Variants in CCDC91 observed in about 807,000 individuals in gnomAD.
The protein encoded by CCDC91 is coiled-coil domain containing 91.
CCDC91 carries 48 observed loss-of-function variants against 63.2 expected under a neutral mutation model. That is an observed-to-expected ratio of 0.76 (90% confidence interval 0.60 to 0.97). The LOEUF (loss-of-function observed/expected upper bound fraction) is 0.97, where lower values mean the gene tolerates loss of function less well. Ranked by LOEUF, CCDC91 falls within the 50% of genes least tolerant of loss-of-function variation. CCDC91 has a pLI of 0.00. For synonymous variants in CCDC91, 167 were observed against 165.8 expected (o/e 1.01, Z -0.06); for missense variants, 500 against 494.6 (o/e 1.01, Z -0.10).
At chr12:28,466,421 C>T (rs965152018) in intron 11 of CCDC91, among the ~76,000 whole-genome samples, 2 of 152,020 alleles carry the variant, frequency 1.3e-5, no homozygotes, top group African/African-American at 4.8e-5. Flanking sequence ...TTTAATAATC[C>T]AATTCCCAAA....
chr12:28,464,555 C>G (rs890927652), intron 11 of CCDC91, among the ~76,000 whole-genome samples: 14 of 152,178 alleles, frequency 9.2e-5, no homozygotes, highest in Middle Eastern at 3.2e-3. Flanking sequence ...TTTCCAGGCC[C>G]TAGCTCCTGG....
At chr12:28,377,119 A>G (rs1443018985) in intron 7 of CCDC91, among the ~76,000 whole-genome samples, 1 of 134,072 alleles carries the variant, frequency 7.5e-6, no homozygotes, top group African/African-American at 2.7e-5. Context: ...TCTTCCCCCT[A>G]TTTTTTTTTT....
intron 11 of CCDC91, among the ~76,000 whole-genome samples, chr12:28,465,596 C>G (rs1009606996): frequency 2.6e-4 from 39 of 152,280 alleles, no homozygotes; most frequent in African/African-American, 9.4e-4. Context: ...TATGAGTCTA[C>G]AAGAACCACA....
intron 12 of CCDC91, among the ~76,000 whole-genome samples, chr12:28,536,804 T>C (rs138154245): frequency 1.1e-3 from 169 of 152,310 alleles, no homozygotes; most frequent in African/African-American, 3.7e-3. Context: ...CTCATTCTTT[T>C]TTAAAGTATT....
intron 1 of CCDC91, among the ~76,000 whole-genome samples, chr12:28,228,382 T>C (rs988975317): frequency 1.3e-5 from 2 of 152,166 alleles, no homozygotes; most frequent in African/African-American, 2.4e-5. Context: ...AGTCTGTCTT[T>C]CTATTAAACT....
chr12:28,239,701 A>T (rs2126896), intron 1 of CCDC91, among the ~76,000 whole-genome samples: 79,452 of 152,012 alleles, frequency 0.52, 20,900 homozygotes, highest in East Asian at 0.61. Flanking sequence ...GATGGGATGT[A>T]ACACACAGGT....
chr12:28,496,741 C>T (rs1293362917), intron 12 of CCDC91, among the ~76,000 whole-genome samples: 3 of 151,148 alleles, frequency 2.0e-5, no homozygotes, highest in African/African-American at 7.3e-5. Context: ...TATTCTTTTT[C>T]AAGTAATCTG....
intron 3 of CCDC91, among the ~76,000 whole-genome samples, chr12:28,304,884 T>C (rs1175504809): frequency 1.3e-5 from 2 of 152,160 alleles, no homozygotes; most frequent in African/African-American, 4.8e-5. Context: ...CGTACTTTTG[T>C]CCTATGTCAT....
intron 1 of CCDC91, among the ~76,000 whole-genome samples, chr12:28,218,092 C>T: frequency 6.6e-6 from 1 of 152,268 alleles, no homozygotes; most frequent in Middle Eastern, 3.4e-3. Context: ...CTTTAGATAT[C>T]CTTTTTTTAA....
intron 1 of CCDC91, chr12:28,256,681 T>A (rs1269647487): frequency 6.5e-6 from 1 of 152,944 alleles, no homozygotes; most frequent in East Asian, 1.9e-4. Flanking sequence ...CAAAGCAGTT[T>A]CAGCTAAAAA....
At chr12:28,329,587 T>C (rs1486303071) in intron 6 of CCDC91, among the ~76,000 whole-genome samples, 3 of 152,148 alleles carry the variant, frequency 2.0e-5, no homozygotes, top group Non-Finnish European at 2.9e-5. Context: ...ATCTTATAAA[T>C]TGTCAGATAT....
At chr12:28,438,625 A>G (rs1255643591) in intron 8 of CCDC91, among the ~76,000 whole-genome samples, 1 of 152,178 alleles carries the variant, frequency 6.6e-6, no homozygotes, top group Non-Finnish European at 1.5e-5. Context: ...TTAGGTTGAA[A>G]TAAGTTTATG....
chr12:28,302,114 AT>A (rs1938139987), intron 3 of CCDC91, among the ~76,000 whole-genome samples: 1 of 151,562 alleles, frequency 6.6e-6, no homozygotes, highest in Non-Finnish European at 1.5e-5. Context: ...AATTTAATTC[AT>A]TGTTTTTTAA....
chr12:28,203,523 T>G (rs1299835495), intron 1 of CCDC91, among the ~76,000 whole-genome samples: 1 of 152,208 alleles, frequency 6.6e-6, no homozygotes, highest in Non-Finnish European at 1.5e-5. Flanking sequence ...TTCAGATATG[T>G]AAAAATTTCC....
intron 1 of CCDC91, among the ~76,000 whole-genome samples, chr12:28,240,286 T>C (rs1945248523): frequency 6.6e-6 from 1 of 152,158 alleles, no homozygotes; most frequent in Admixed American, 6.5e-5. Flanking sequence ...TTTTAAAAAG[T>C]TTTTGTCTTA....
intron 8 of CCDC91, among the ~76,000 whole-genome samples, chr12:28,444,914 T>G (rs1380134827): frequency 6.6e-6 from 1 of 152,178 alleles, no homozygotes; most frequent in Non-Finnish European, 1.5e-5. Context: ...AGAAATTTAT[T>G]AAAACAATAG....
chr12:28,338,559 G>A lies in CCDC91; in HGVS notation c.577-23879G>A, dbSNP rs574055394. ...TGCAAATAATAGAGAGATACCAGGGGGCCACCCTACATAAGGCCCTGTAGG... is the reference window on the plus strand; with the variant it reads ...TGCAAATAATAGAGAGATACCAGGGAGCCACCCTACATAAGGCCCTGTAGG... On this transcript the variant is annotated intron_variant, in intron 6 of 12. Coordinates refer to ENST00000536442, the MANE Select transcript of CCDC91 (RefSeq NM_018318.5). 7.0e-4 allele frequency among the ~76,000 whole-genome samples: 107 copies of A among 152,098 alleles called. 1 individual carries two copies. The highest frequency in any genetic ancestry group is 2.5e-3 in the African/African-American group (102 of 41,478).
chr12:28,394,575 A>T (rs1232661767), intron 8 of CCDC91, among the ~76,000 whole-genome samples: 1 of 152,176 alleles, frequency 6.6e-6, no homozygotes, highest in Non-Finnish European at 1.5e-5. Context: ...TTTTCAAATT[A>T]TATTTCTTAA....
chr12:28,247,411 C>T (rs768109152), intron 1 of CCDC91, among the ~76,000 whole-genome samples: 1 of 146,294 alleles, frequency 6.8e-6, no homozygotes, highest in African/African-American at 2.5e-5. Context: ...ACCCGGGAGG[C>T]GGAGCTTGCA....
Sources: allele counts gnomAD v4.1 joint callset (sites outside exome capture counted in the v4.1 genomes callset), GRCh38; gene constraint gnomAD v4.1.1; transcripts MANE v1.5; gene names NCBI Gene and HGNC (gene_info 2026-07-23, HGNC 2026-07-21).